Variants in GSS observed in about 807,000 individuals in gnomAD.
The protein encoded by GSS is GSH synthetase.
Under a neutral mutation model 60.4 loss-of-function variants are expected in GSS, and 34 were observed. That is an observed-to-expected ratio of 0.56 (90% CI 0.43 to 0.75). GSS has a LOEUF of 0.75. Ranked by LOEUF, GSS falls within the 30% of genes least tolerant of loss-of-function variation. GSS has a pLI of 0.00. For synonymous variants in GSS, 224 were observed against 239.0 expected, an observed-to-expected ratio of 0.94 and a Z score of 0.58; for missense variants, 499 against 595.1, an observed-to-expected ratio of 0.84 and a Z score of 1.68.
At chr20:34,952,734 G>A (rs1472411999) in intron 1 of GSS, 3 of 152,250 alleles carry the variant, frequency 2.0e-5, no homozygotes, top group Non-Finnish European at 2.9e-5. Context: ...ACACCCAGCC[G>A]AGGCTTTGTA....
intron 4 of GSS, 106 bp downstream of exon 4, chr20:34,942,825 G>A (rs2081494854): frequency 1.1e-6 from 1 of 934,656 alleles, no homozygotes; most frequent in Non-Finnish European, 1.7e-6. Flanking sequence ...GTGAGAGGCA[G>A]ATTCCCATGA....
chr20:34,932,026 C>A lies in GSS; in HGVS notation c.942G>T (p.Pro314=), dbSNP rs770380494. 1 of 1,614,170 alleles carries A rather than the reference C, an allele frequency of 6.2e-7. No homozygotes were observed. The highest frequency in any genetic ancestry group is 8.5e-7 in the Non-Finnish European group (1 of 1,179,992). ...TKKVQQELSR[P]GMLEMLLPGQ... is the part of the protein sequence containing the mutation. The stretch of plus-strand genomic sequence containing the variant: ...CAGGGAGCAACATCTCCAGCATGCC[C>A]GGCCTGCTTAGCTCCTGCTGCACCT... Residue 314 remains proline (P), a synonymous_variant, in exon 10 of 13, where the codon CCG becomes CCT. Coordinates refer to ENST00000651619, the MANE Select transcript of GSS (RefSeq NM_000178.4).
chr20:34,935,475 G>T, intron 9 of GSS, 101 bp downstream of exon 9: 1 of 814,986 alleles, frequency 1.2e-6, no homozygotes, highest in South Asian at 1.3e-5. Context: ...GAAGTGAAGT[G>T]AGGACTCGGA....
In GSS at chr20:34,940,818, G is replaced by A. The variant is rs74959230; in HGVS notation, c.608+895C>T. Among the ~76,000 whole-genome samples, 3 of 152,140 alleles carry A rather than the reference G, an allele frequency of 2.0e-5. No individual in the cohort carries two copies. In the East Asian group the frequency reaches 5.8e-4, roughly 29 times the overall value. ...GAGAAATAGGAAGAAAGCAAAAAAT[G>A]CCTCTAAGCAGTTAAAAAGGATACC... is the stretch of plus-strand genomic sequence containing the variant. On this transcript the variant is annotated intron_variant, in intron 6 of 12. Transcript: ENST00000651619.
In GSS at chr20:34,951,846, T is replaced by C. The variant is rs779292554; in HGVS notation, c.7A>G (p.Thr3Ala). The change falls in exon 2 of 13, where the codon ACC (threonine) becomes GCC (alanine). Residue 3 changes from threonine to alanine, a missense_variant. By Grantham distance (58) the Thr-to-Ala change is moderately conservative. Transcript: ENST00000651619. ...TCCTGCAAGAGGCTCCCCCAGTTGG[T>C]GGCCATCCCAACACCTGCAAAAGAT... MATNWGSLLQDKQ... is the reference protein window; with the variant it reads MAANWGSLLQDKQ... The C allele has an allele frequency of 6.8e-6, 11 of 1,614,094 alleles. No homozygotes were observed. Among genetic ancestry groups the C allele is most frequent in the Non-Finnish European group, 9.3e-6 (11 of 1,180,012 alleles).
intron 6 of GSS, among the ~76,000 whole-genome samples, chr20:34,938,819 C>T (rs1156304163): frequency 1.3e-5 from 2 of 152,174 alleles, no homozygotes; most frequent in Admixed American, 6.5e-5. Flanking sequence ...AGGACGCATG[C>T]GGGCTGGGGG....
intron 3 of GSS, 122 bp from the exon 4 acceptor site, chr20:34,943,128 G>T: frequency 1.4e-6 from 1 of 730,184 alleles, no homozygotes; most frequent in Non-Finnish European, 2.5e-6. Flanking sequence ...TTGAATGTCC[G>T]CCCCAATGTG....
chr20:34,943,022 G>GAGA lies in GSS; in HGVS notation c.276-19_276-17dup, dbSNP rs770402175. On this transcript the variant is annotated splice_polypyrimidine_tract_variant and intron_variant, in intron 3 of 12. Transcript: ENST00000651619. ...TTTGATGGTGCTGGAGGAAGAAACA[G>GAGA]AGAACATTTTGCAGGCTTAATTGGA... 1 of 1,590,118 alleles carries GAGA rather than the reference G, an allele frequency of 6.3e-7. No individual in the cohort carries two copies. Among genetic ancestry groups the GAGA allele is most frequent in the Non-Finnish European group, 8.6e-7 (1 of 1,160,484 alleles).
intron 4 of GSS, 84 bp downstream of exon 4, chr20:34,942,847 G>A: frequency 9.2e-7 from 1 of 1,082,570 alleles, no homozygotes; most frequent in Non-Finnish European, 1.4e-6. Flanking sequence ...CTGAGGGCCT[G>A]GACCAAATTC....
At chr20:34,953,242 A>C (rs2081582905) in intron 1 of GSS, among the ~76,000 whole-genome samples, 1 of 152,238 alleles carries the variant, frequency 6.6e-6, no homozygotes, top group Admixed American at 6.5e-5. Context: ...AGTGGTCCCC[A>C]GGAAGGGAGT....
intron 4 of GSS, 42 bp downstream of exon 4, chr20:34,942,889 G>A: frequency 1.5e-6 from 2 of 1,350,390 alleles, no homozygotes; most frequent in African/African-American, 1.4e-5. Flanking sequence ...ACAGAGATGG[G>A]AGGGACAGGT....
At chr20:34,942,873 A>G (rs2081495186) in intron 4 of GSS, 58 bp downstream of exon 4, 1 of 1,280,870 alleles carries the variant, frequency 7.8e-7, no homozygotes, top group Non-Finnish European at 1.1e-6. Context: ...GCAAAACAGA[A>G]AACAAACAGA....
intron 12 of GSS, 91 bp from the exon 13 acceptor site, chr20:34,929,042 A>G: frequency 6.9e-7 from 1 of 1,447,354 alleles, no homozygotes; most frequent in South Asian, 1.1e-5. Context: ...TACCTGGGTA[A>G]CTGTCTATAC....
chr20:34,936,980 A>C lies in GSS; in HGVS notation c.652T>G (p.Phe218Val), dbSNP rs2081445920. 6.2e-7 allele frequency: 1 copy of C among 1,613,966 alleles called. No homozygotes were observed. The highest frequency in any genetic ancestry group is 8.5e-7 in the Non-Finnish European group (1 of 1,179,998). The change falls in exon 7 of 13, where the codon TTT (phenylalanine) becomes GTT (valine). Residue 218 changes from phenylalanine to valine, a missense_variant. Physicochemically the swap from Phe to Val is conservative, Grantham distance 50. Coordinates refer to ENST00000651619, the MANE Select transcript of GSS (RefSeq NM_000178.4). Reference sequence around the variant, plus strand: ...TCATTCTCTATGGCACGCTGGTCAAATATGTTTCTTTCCTTCTCTTGAGCA... The same window carrying C: ...TCATTCTCTATGGCACGCTGGTCAACTATGTTTCTTTCCTTCTCTTGAGCA... ...LIAQEKERNI[F>V]DQRAIENELL...
chr20:34,935,256 A>G (rs1335507415), intron 9 of GSS, among the ~76,000 whole-genome samples: 2 of 152,214 alleles, frequency 1.3e-5, no homozygotes, highest in African/African-American at 2.4e-5. Context: ...CAGGAAAAAA[A>G]ATGGTCAGCA....
intron 1 of GSS, chr20:34,955,333 T>C (rs902348822): frequency 6.6e-6 from 1 of 152,226 alleles, no homozygotes; most frequent in Non-Finnish European, 1.5e-5. Context: ...GGTCGCACTT[T>C]ATCGCCAGGA....
At chr20:34,933,374 G>A (rs1210376237) in intron 9 of GSS, among the ~76,000 whole-genome samples, 1 of 152,156 alleles carries the variant, frequency 6.6e-6, no homozygotes, top group Non-Finnish European at 1.5e-5. Flanking sequence ...AATAGGGAAG[G>A]GATACTCAGG....
intron 2 of GSS, among the ~76,000 whole-genome samples, chr20:34,950,603 C>CAA (rs1333931521): frequency 5.2e-5 from 6 of 114,598 alleles, no homozygotes; most frequent in Admixed American, 1.8e-4. Context: ...CTGTCCCTAC[C>CAA]AAAAAAAAAA....
At chr20:34,933,245 G>A (rs1295098199) in intron 9 of GSS, among the ~76,000 whole-genome samples, 1 of 152,176 alleles carries the variant, frequency 6.6e-6, no homozygotes, top group East Asian at 1.9e-4. Context: ...TGTATCTCCA[G>A]TGTCTAACAC....
Sources: allele counts gnomAD v4.1 joint callset (sites outside exome capture counted in the v4.1 genomes callset), GRCh38; gene constraint gnomAD v4.1.1; transcripts MANE v1.5; gene names NCBI Gene and HGNC (gene_info 2026-07-23, HGNC 2026-07-21).